GRB2: variants seen among roughly 807,000 people sequenced by gnomAD.
GRB2 encodes growth factor receptor-bound protein 2.
GRB2 carries 2 observed loss-of-function variants against 27.4 expected under a neutral mutation model. The observed-to-expected ratio is 0.07, with a 90% confidence interval of 0.03 to 0.23. The LOEUF is 0.23. Ranked by LOEUF, GRB2 falls within the 10% of genes least tolerant of loss-of-function variation. GRB2 has a pLI of 1.00. For missense variants in GRB2, 102 were observed against 282.4 expected, an observed-to-expected ratio of 0.36 and a Z score of 4.58; for synonymous variants, 94 against 99.6, an observed-to-expected ratio of 0.94 and a Z score of 0.33.
At chr17:75,337,880 C>T (rs886275527) in intron 2 of GRB2, among the ~76,000 whole-genome samples, 25 of 115,238 alleles carry the variant, frequency 2.2e-4, no homozygotes, top group African/African-American at 9.1e-4. Context: ...ATTACTACTA[C>T]TACTACTACT....
At chr17:75,345,063 A>T (rs1289296380) in intron 2 of GRB2, among the ~76,000 whole-genome samples, 1 of 151,910 alleles carries the variant, frequency 6.6e-6, no homozygotes, top group Non-Finnish European at 1.5e-5. Context: ...ATTATTTTTG[A>T]GATGGAGTCT....
At chr17:75,332,961 T>C (rs1363218265) in intron 2 of GRB2, among the ~76,000 whole-genome samples, 164 bp from the exon 3 acceptor site, 1 of 152,236 alleles carries the variant, frequency 6.6e-6, no homozygotes, top group Non-Finnish European at 1.5e-5. Flanking sequence ...CAACCAGCAT[T>C]ATGTTAAACT....
intron 1 of GRB2, chr17:75,405,224 G>C (rs2079091771): frequency 6.6e-6 from 1 of 151,984 alleles, no homozygotes; most frequent in Non-Finnish European, 1.5e-5. Context: ...TCCCGATGAA[G>C]GCAGGGGACC....
At chr17:75,376,520 CAA>C (rs1001049290) in intron 2 of GRB2, among the ~76,000 whole-genome samples, 10 of 124,500 alleles carry the variant, frequency 8.0e-5, no homozygotes, top group East Asian at 4.5e-4. Context: ...GACTCTGTTT[CAA>C]AAAAAAAAAA....
intron 1 of GRB2, 65 bp from the exon 2 acceptor site, chr17:75,393,830 C>G (rs1206113042): frequency 7.2e-6 from 4 of 552,142 alleles, no homozygotes; most frequent in Non-Finnish European, 1.3e-5. Flanking sequence ...CCCTGCCAAT[C>G]GGCCTGCTGT....
At chr17:75,390,698 G>A (rs914289660) in intron 2 of GRB2, among the ~76,000 whole-genome samples, 2 of 152,098 alleles carry the variant, frequency 1.3e-5, no homozygotes, top group African/African-American at 4.8e-5. Flanking sequence ...GTAGGGAAGG[G>A]GTCTGCTGGA....
At chr17:75,328,133 GGCC>G (rs2078512449) in intron 3 of GRB2, among the ~76,000 whole-genome samples, 1 of 151,918 alleles carries the variant, frequency 6.6e-6, no homozygotes. Context: ...AGACCAGCCT[GGCC>G]AACGTGGTGA....
intron 2 of GRB2, among the ~76,000 whole-genome samples, chr17:75,359,978 T>TA (rs143403187): frequency 0.11 from 15,359 of 142,806 alleles, 1,072 homozygotes; most frequent in African/African-American, 0.2. Flanking sequence ...CTTTCTGTCT[T>TA]AAAAAAAAAA....
chr17:75,394,345 T>G (rs2079017525), intron 1 of GRB2: 1 of 152,230 alleles, frequency 6.6e-6, no homozygotes, highest in Non-Finnish European at 1.5e-5. Context: ...AGAAAGTAAA[T>G]GTAGGAACTG....
intron 2 of GRB2, among the ~76,000 whole-genome samples, chr17:75,337,715 C>T (rs944280106): frequency 1.3e-5 from 2 of 150,356 alleles, no homozygotes; most frequent in Admixed American, 6.6e-5. Context: ...GGACTACAGG[C>T]GTCTGCAACC....
chr17:75,333,932 A>G (rs1417674647), intron 2 of GRB2, among the ~76,000 whole-genome samples: 2 of 152,290 alleles, frequency 1.3e-5, no homozygotes, highest in South Asian at 2.1e-4. Context: ...CCAGACTTTC[A>G]TATTTCCAAT....
intron 2 of GRB2, among the ~76,000 whole-genome samples, chr17:75,343,242 T>C (rs2078633549): frequency 6.6e-6 from 1 of 152,004 alleles, no homozygotes; most frequent in Non-Finnish European, 1.5e-5. Context: ...TCTGATTCGG[T>C]CTGCCTGTCT....
At chr17:75,368,892 C>G (rs1206662156) in intron 2 of GRB2, among the ~76,000 whole-genome samples, 1 of 152,134 alleles carries the variant, frequency 6.6e-6, no homozygotes. Context: ...ATCAGCTTGC[C>G]TGAAACAAAA....
chr17:75,383,841 G>T (rs2078945543), intron 2 of GRB2, among the ~76,000 whole-genome samples: 1 of 152,048 alleles, frequency 6.6e-6, no homozygotes, highest in Non-Finnish European at 1.5e-5. Context: ...GACAGAGCGA[G>T]ACTCCTTCCC....
intron 2 of GRB2, among the ~76,000 whole-genome samples, chr17:75,354,264 T>G (rs45591533): frequency 0.33 from 12,474 of 38,182 alleles, 808 homozygotes; most frequent in Non-Finnish European, 0.42. Context: ...TCTTTTTTTT[T>G]GGGGGGGGGG....
At chr17:75,374,219 A>G (rs2078876088) in intron 2 of GRB2, among the ~76,000 whole-genome samples, 1 of 151,638 alleles carries the variant, frequency 6.6e-6, no homozygotes, top group Admixed American at 6.6e-5. Context: ...CAGCCTGGCC[A>G]TTATGGTTAA....
At chr17:75,358,299 AAAG>A (rs1190212859) in intron 2 of GRB2, among the ~76,000 whole-genome samples, 1 of 152,210 alleles carries the variant, frequency 6.6e-6, no homozygotes, top group Non-Finnish European at 1.5e-5. Context: ...AATTGTTAGA[AAAG>A]AATTCAAATA....
intron 4 of GRB2, 134 bp downstream of exon 4, chr17:75,325,764 T>G (rs2078494945): frequency 3.2e-6 from 3 of 938,176 alleles, no homozygotes; most frequent in Non-Finnish European, 5.0e-6. Flanking sequence ...AAATTAGGAT[T>G]TTAATGTGAA....
In GRB2 at chr17:75,336,785, T is replaced by A. The variant is rs573139659; in HGVS notation, c.79-3988A>T. On this transcript the variant is annotated intron_variant, in intron 2 of 5. Coordinates refer to ENST00000316804, the MANE Select transcript of GRB2 (RefSeq NM_002086.5). The stretch of plus-strand genomic sequence containing the variant: ...TGCTCTGTTGCTCTGTCACCCAGGC[T>A]GCAGTGGAGTGGCATGATCTCGGCT... 1.8e-4 allele frequency among the ~76,000 whole-genome samples: 27 copies of A among 152,310 alleles called. 1 individual carries two copies. Among genetic ancestry groups the A allele is most frequent in the Middle Eastern group, 3.4e-3 (1 of 294 alleles).
Sources: allele counts gnomAD v4.1 joint callset (sites outside exome capture counted in the v4.1 genomes callset), GRCh38; gene constraint gnomAD v4.1.1; transcripts MANE v1.5; gene names NCBI Gene and HGNC (gene_info 2026-07-23, HGNC 2026-07-21).